The following PRPF8 variants were observed in gnomAD, a reference collection of about 807,000 sequenced individuals.
PRPF8 encodes pre-mRNA processing factor 8.
In PRPF8, 64 loss-of-function variants were observed where a neutral mutation model predicts 285.9. That is an observed-to-expected ratio of 0.22 (90% CI 0.18 to 0.28). The LOEUF is 0.28. Ranked by LOEUF, PRPF8 falls within the 10% of genes least tolerant of loss-of-function variation. The pLI, the probability that PRPF8 is intolerant of heterozygous loss-of-function variation, is 1.00. For synonymous variants in PRPF8, 1,325 were observed against 1,118.2 expected (o/e 1.18, Z -3.69); for missense variants, 1,426 against 3,026.7 (o/e 0.47, Z 12.41).
chr17:1,651,542 G>C lies in PRPF8; in HGVS notation c.6522C>G (p.Pro2174=). The C allele has an allele frequency of 1.2e-6, 2 of 1,614,050 alleles. No homozygotes were observed. Among genetic ancestry groups the C allele is most frequent in the Non-Finnish European group, 1.7e-6 (2 of 1,180,022 alleles). The change falls in exon 41 of 43, where the codon CCC becomes CCG. Residue 2174 remains proline, a synonymous_variant. Coordinates refer to ENST00000304992, the MANE Select transcript of PRPF8 (RefSeq NM_006445.4). The surrounding 1 kb of genome is among the most constrained non-coding windows in gnomAD (Gnocchi z 5.1). ...PQHEYLKEME[P]LGWIHTQPNE... is the part of the protein sequence containing the mutation. Reference sequence around the variant, plus strand: ...TGGGCTGAGTGTGGATCCAACCTAAGGGTTCCATCTCCTATAGGTAAAGAG... The same window carrying C: ...TGGGCTGAGTGTGGATCCAACCTAACGGTTCCATCTCCTATAGGTAAAGAG...
chr17:1,662,856 G>GAA (rs141240714), intron 24 of PRPF8, among the ~76,000 whole-genome samples: 1 of 142,358 alleles, frequency 7.0e-6, no homozygotes, highest in African/African-American at 2.6e-5. Flanking sequence ...AAAAGAAAAA[G>GAA]AAAAAAAAAA....
rs576383910 is a variant in PRPF8, at chr17:1,676,842, T to A, written c.2182-131A>T. The A allele has an allele frequency of 6.8e-7, 1 of 1,463,526 alleles. No individual in the cohort carries two copies. Among genetic ancestry groups the A allele is most frequent in the South Asian group, 1.1e-5 (1 of 88,010 alleles). 90.7% of individuals were successfully genotyped at this position (1,463,526 alleles called of 1,614,324 possible). A position where few individuals can be genotyped will look rare whatever the true frequency, so the allele number is the denominator to read the frequency against. On this transcript the variant is annotated intron_variant, in intron 15 of 42. Transcript: ENST00000304992. This position sits in a 1 kb window ranked among gnomAD's most constrained non-coding sequence, Gnocchi z 6.3. ...GAGCTTGAGGCCAGCCTAAGCAACA[T>A]GGTGCTTCTTTTCCCTGTCTAAAAG...
At position 1,658,815 on chromosome 17, in the gene PRPF8, A is replaced by G; in HGVS notation, c.5139-52T>C. 6.6e-7 allele frequency: 1 copy of G among 1,512,630 alleles called. No homozygotes were observed. The highest frequency in any genetic ancestry group is 9.2e-7 in the Non-Finnish European group (1 of 1,087,840). 93.7% of individuals were successfully genotyped at this position (1,512,630 alleles called of 1,614,324 possible). A position where few individuals can be genotyped will look rare whatever the true frequency, so the allele number is the denominator to read the frequency against. On this transcript the variant is annotated intron_variant, in intron 32 of 42. Transcript: ENST00000304992. The surrounding 1 kb of genome is among the most constrained non-coding windows in gnomAD (Gnocchi z 4.1). ...GTTAAGACGAGAATGACAGCCCCAG[A>G]AACAAGACAAGCTGCCAACTCTACA... is the stretch of plus-strand genomic sequence containing the variant.
At chr17:1,678,396 T>C (rs1218456167) in intron 13 of PRPF8, 122 bp downstream of exon 13, 10 of 1,267,872 alleles carry the variant, frequency 7.9e-6, no homozygotes, top group African/African-American at 5.9e-5. Context: ...GGCAGGAGAA[T>C]TGCTTGAACT....
chr17:1,654,330 T>C, intron 37 of PRPF8: 1 of 519,200 alleles, frequency 1.9e-6, no homozygotes. Context: ...AACCCTAGAA[T>C]ACTGGTTCTT....
chr17:1,680,553 C>T (rs751304141), intron 8 of PRPF8, 173 bp downstream of exon 8: 6 of 702,924 alleles, frequency 8.5e-6, no homozygotes, highest in Non-Finnish European at 1.5e-5. Context: ...CAGGATTATA[C>T]CAATGACATG....
At chr17:1,677,532 CAGG>C (rs771260914) in intron 14 of PRPF8, 30 bp downstream of exon 14, 144 of 1,613,800 alleles carry the variant, frequency 8.9e-5, no homozygotes, top group Non-Finnish European at 1.2e-4. Context: ...GAAGCAATAA[CAGG>C]AGAAGTTGGA....
rs139756947 is a variant in PRPF8 at position 1,651,333 on chromosome 17, G to A, written c.6651-23C>T. The A allele has an allele frequency of 2.5e-6, 4 of 1,614,092 alleles. No homozygotes were observed. The highest frequency in any genetic ancestry group is 3.3e-5 in the Admixed American group (2 of 60,010). Reference sequence around the variant, plus strand: ...AAGCTGGGGGAGGAACGAGGACAGAGTAACAGCTCAGGCCACTGTTCTGGG... The same window carrying A: ...AAGCTGGGGGAGGAACGAGGACAGAATAACAGCTCAGGCCACTGTTCTGGG... On this transcript the variant is annotated intron_variant, in intron 41 of 42. Transcript: ENST00000304992. The surrounding 1 kb of genome is among the most constrained non-coding windows in gnomAD (Gnocchi z 5.1).
chr17:1,654,462 C>T (rs561719138), intron 37 of PRPF8: 2 of 305,860 alleles, frequency 6.5e-6, no homozygotes, highest in South Asian at 3.4e-5. Flanking sequence ...CTTAGGGTCT[C>T]GGATGTTCAA....
At chr17:1,678,917 G>A (rs984899043) in intron 11 of PRPF8, 36 bp from the exon 12 acceptor site, 2 of 1,613,782 alleles carry the variant, frequency 1.2e-6, no homozygotes, top group Non-Finnish European at 1.7e-6. Flanking sequence ...GAACGTGAAT[G>A]AGCAATGGAC....
In PRPF8 at chr17:1,679,194, G is replaced by A. The variant is rs370487757; in HGVS notation, c.1422C>T (p.Arg474=). The stretch of plus-strand genomic sequence containing the variant: ...GAAAGAATTTGGTGGCTTTGAAGGA[G>A]CGGAACAAATACCTGAGGTGGGAAC... ...PKAQKKRYLF[R]SFKATKFFQS... Residue 474 remains arginine (R), a synonymous_variant, in exon 11 of 43, where the codon CGC becomes CGT. Coordinates refer to ENST00000304992, the MANE Select transcript of PRPF8 (RefSeq NM_006445.4). The surrounding 1 kb of genome is among the most constrained non-coding windows in gnomAD (Gnocchi z 4.7). 8 of 1,614,088 alleles carry A rather than the reference G, an allele frequency of 5.0e-6. No homozygotes were observed. The Admixed American group carries it at 6.7e-5, about 13-fold the overall frequency.
Position 1,653,995 on chromosome 17 carries a change from T to C in PRPF8, c.6009A>G (p.Thr2003=), listed in dbSNP as rs778922306. 14 of 1,614,088 alleles carry C rather than the reference T, an allele frequency of 8.7e-6. No homozygotes were observed. Among genetic ancestry groups the C allele is most frequent in the Non-Finnish European group, 1.2e-5 (14 of 1,180,042 alleles). The change falls in exon 38 of 43, where the codon ACA becomes ACG. Residue 2003 remains threonine, a synonymous_variant. Coordinates refer to ENST00000304992, the MANE Select transcript of PRPF8 (RefSeq NM_006445.4). This position sits in a 1 kb window ranked among gnomAD's most constrained non-coding sequence, Gnocchi z 4.9. ...KKNNVNVASL[T]QSEIRDIILG... The stretch of plus-strand genomic sequence containing the variant: ...GGATGATGTCTCGAATTTCTGATTG[T>C]GTCAGTGATGCCACGTTCACACTGT...
rs1478279169 is a variant in PRPF8 at position 1,660,015 on chromosome 17, T to C, written c.4786-14A>G. On this transcript the variant is annotated splice_polypyrimidine_tract_variant and intron_variant, in intron 30 of 42. Transcript: ENST00000304992. Reference sequence around the variant, plus strand: ...CTGGTCAAACACCTGAAGGAAAACATGGAGAGATTAAGACTTGTTAAGGAA... The same window carrying C: ...CTGGTCAAACACCTGAAGGAAAACACGGAGAGATTAAGACTTGTTAAGGAA... 2 of 1,613,582 alleles carry C rather than the reference T, an allele frequency of 1.2e-6. No homozygotes were observed. The highest frequency in any genetic ancestry group is 1.7e-6 in the Non-Finnish European group (2 of 1,179,594).
In PRPF8 at chr17:1,673,356, C is replaced by T; in HGVS notation, c.3657+1G>A. The T allele has an allele frequency of 6.2e-7, 1 of 1,614,076 alleles. No individual in the cohort carries two copies. The highest frequency in any genetic ancestry group is 8.5e-7 in the Non-Finnish European group (1 of 1,180,030). On this transcript the variant is annotated splice_donor_variant, in intron 23 of 42. Coordinates refer to ENST00000304992, the MANE Select transcript of PRPF8 (RefSeq NM_006445.4). LOFTEE classifies it high-confidence loss of function. The surrounding 1 kb of genome is among the most constrained non-coding windows in gnomAD (Gnocchi z 5.5). The stretch of plus-strand genomic sequence containing the variant: ...CACTCCCAGCCCCGCCCAGGCTGTA[C>T]CTCATTCTGCAGGTTCCAGACCCCG...
Position 1,677,158 on chromosome 17 carries a change from C to A in PRPF8, c.1999G>T (p.Gly667Trp), listed in dbSNP as rs1427570649. 1.2e-6 allele frequency: 2 copies of A among 1,613,452 alleles called. No homozygotes were observed. Among genetic ancestry groups the A allele is most frequent in the Non-Finnish European group, 1.7e-6 (2 of 1,180,024 alleles). Residue 667 changes from glycine to tryptophan, a missense_variant, in exon 15 of 43, where the codon GGG (glycine) becomes TGG (tryptophan). Coordinates refer to ENST00000304992, the MANE Select transcript of PRPF8 (RefSeq NM_006445.4). ...ARQFEGRHSK[G>W]VAKTVTKQRV... ...TGCTTTGTTACTGTCTTTGCCACCC[C>A]CTTTGAGTGTCGACCTGGAAGTAGA...
At chr17:1,672,836 T>C (rs1019621793) in intron 24 of PRPF8, 1 of 589,246 alleles carries the variant, frequency 1.7e-6, no homozygotes, top group African/African-American at 2.0e-5. Context: ...ACTTTTACTC[T>C]TGCCTTAATT....
intron 24 of PRPF8, among the ~76,000 whole-genome samples, chr17:1,664,282 C>T (rs1426996660): frequency 6.6e-6 from 1 of 152,208 alleles, no homozygotes; most frequent in Non-Finnish European, 1.5e-5. Context: ...ATCCACCAGC[C>T]TCAGCCTCCC....
rs755697282 is a variant in PRPF8, at chr17:1,653,497, A to G, written c.6369+45T>C. 1.9e-6 allele frequency: 3 copies of G among 1,613,438 alleles called. No individual in the cohort carries two copies. The highest frequency in any genetic ancestry group is 2.5e-6 in the Non-Finnish European group (3 of 1,179,376). On this transcript the variant is annotated intron_variant, in intron 39 of 42. Transcript: ENST00000304992. This position sits in a 1 kb window ranked among gnomAD's most constrained non-coding sequence, Gnocchi z 4.9. ...CTCAGGTCTGAGTTTTAGGCACAAA[A>G]TGAGTTGGGCACACACTGTGGCCTA...
At chr17:1,670,826 C>T (rs1359978378) in intron 24 of PRPF8, among the ~76,000 whole-genome samples, 1 of 152,052 alleles carries the variant, frequency 6.6e-6, no homozygotes, top group African/African-American at 2.4e-5. Flanking sequence ...CAGTGGTCCC[C>T]AAACCTGGTC....
Sources: gnomAD v4.1 joint callset for allele counts (sites outside exome capture counted in the v4.1 genomes callset) on GRCh38, gnomAD v4.1.1 for gene constraint, Gnocchi (gnomAD v3.1) non-coding constraint, MANE v1.5 for transcripts, NCBI Gene and HGNC (gene_info 2026-07-23, HGNC 2026-07-21) for gene names.